The following CLTC variants were observed in gnomAD, a reference collection of about 807,000 sequenced individuals.
CLTC encodes the protein clathrin heavy chain 1.
A neutral mutation model predicts 195.8 loss-of-function variants in CLTC; 16 were observed. The observed-to-expected ratio is 0.08, with a 90% CI of 0.06 to 0.12. The LOEUF is 0.12. Ranked by LOEUF, CLTC falls within the 10% of genes least tolerant of loss-of-function variation. CLTC has a pLI of 1.00. For synonymous variants in CLTC, 667 were observed against 689.4 expected (o/e 0.97, Z 0.51); for missense variants, 796 against 2,027.0 (o/e 0.39, Z 11.66).
intron 13 of CLTC, among the ~76,000 whole-genome samples, chr17:59,668,103 A>G (rs1344139420): frequency 6.6e-6 from 1 of 151,430 alleles, no homozygotes; most frequent in African/African-American, 2.5e-5. Context: ...TAATAGCCAC[A>G]TGTGTTTAGT....
At chr17:59,679,660 AATTTATATATATTCAATTTAC>A (rs1209221831) in intron 18 of CLTC, 141 bp downstream of exon 18, 2 of 552,936 alleles carry the variant, frequency 3.6e-6, no homozygotes, top group African/African-American at 3.9e-5. Flanking sequence ...AGAAAATTAA[AATTTATATATATTCAATTTAC>A]ATTCATTTGT....
intron 1 of CLTC, among the ~76,000 whole-genome samples, chr17:59,626,543 T>C (rs1353554315): frequency 3.9e-5 from 6 of 152,196 alleles, no homozygotes; most frequent in Admixed American, 3.9e-4. Context: ...TGTGTCCTTT[T>C]TTAGGGTGGT....
intron 31 of CLTC, among the ~76,000 whole-genome samples, chr17:59,692,879 C>T (rs2033339684): frequency 6.6e-6 from 1 of 152,092 alleles, no homozygotes; most frequent in African/African-American, 2.4e-5. Flanking sequence ...ACCTAATGAT[C>T]CACCCTCCTC....
At chr17:59,675,803 A>G (rs1017922848) in intron 16 of CLTC, among the ~76,000 whole-genome samples, 1 of 152,238 alleles carries the variant, frequency 6.6e-6, no homozygotes, top group African/African-American at 2.4e-5. Context: ...GACAAATTAT[A>G]TTGTGAAAAG....
At chr17:59,673,911 G>T in intron 15 of CLTC, 139 bp downstream of exon 15, 1 of 565,770 alleles carries the variant, frequency 1.8e-6, no homozygotes, top group Non-Finnish European at 3.1e-6. Flanking sequence ...TTTTGTTTTT[G>T]TTTTGGAGAC....
intron 18 of CLTC, 21 bp downstream of exon 18, chr17:59,679,540 T>C (rs754412450): frequency 3.9e-6 from 6 of 1,544,676 alleles, no homozygotes; most frequent in South Asian, 1.3e-5. Context: ...CAAATGTGTT[T>C]ATGGCTGTCA....
chr17:59,670,289 GTTTTTC>G (rs757243420), intron 14 of CLTC, among the ~76,000 whole-genome samples: 12,121 of 143,826 alleles, frequency 0.084, 600 homozygotes, highest in Middle Eastern at 0.21. Flanking sequence ...TTTTTTTTTT[GTTTTTC>G]TTTTTAAGCT....
intron 30 of CLTC, among the ~76,000 whole-genome samples, chr17:59,687,333 A>T (rs2033205410): frequency 6.6e-6 from 1 of 152,156 alleles, no homozygotes; most frequent in South Asian, 2.1e-4. Flanking sequence ...AAGTAACAGG[A>T]AATTTCTCTT....
intron 1 of CLTC, among the ~76,000 whole-genome samples, chr17:59,626,800 C>G (rs2031566227): frequency 6.6e-6 from 1 of 152,176 alleles, no homozygotes; most frequent in African/African-American, 2.4e-5. Flanking sequence ...AAGCTTGGAC[C>G]TAAATGTGTT....
Position 59,682,255 on chromosome 17 carries a change from C to G in CLTC, c.3443-16C>G. 2 of 1,597,074 alleles carry G rather than the reference C, an allele frequency of 1.3e-6. No individual in the cohort carries two copies. The highest frequency in any genetic ancestry group is 1.7e-6 in the Non-Finnish European group (2 of 1,173,566). ...ATGTTAGTGTTTGGATATATTTTTTCTTTTTCTATACTTAGGAAACTGGGA... is the reference window on the plus strand; with the variant it reads ...ATGTTAGTGTTTGGATATATTTTTTGTTTTTCTATACTTAGGAAACTGGGA... On this transcript the variant is annotated splice_polypyrimidine_tract_variant and intron_variant, in intron 21 of 31. Transcript: ENST00000269122. This position sits in a 1 kb window ranked among gnomAD's most constrained non-coding sequence, Gnocchi z 6.8.
At chr17:59,662,238 T>C (rs183233364) in intron 8 of CLTC, among the ~76,000 whole-genome samples, 34 of 152,348 alleles carry the variant, frequency 2.2e-4, no homozygotes, top group South Asian at 6.2e-4. Flanking sequence ...TCTTGAAATT[T>C]ATTTAAATAT....
intron 31 of CLTC, chr17:59,690,944 A>G (rs1232100244): frequency 1.2e-5 from 5 of 412,456 alleles, no homozygotes; most frequent in Admixed American, 4.3e-5. Context: ...AAATCATAAC[A>G]TGAATCTTTC....
chr17:59,659,160 G>A (rs976402502), intron 6 of CLTC, among the ~76,000 whole-genome samples: 2 of 152,170 alleles, frequency 1.3e-5, no homozygotes, highest in Non-Finnish European at 2.9e-5. Flanking sequence ...CATGTGAACA[G>A]TAACTGAGAA....
rs527591675 is a variant in CLTC at position 59,673,561 on chromosome 17, A to C, written c.2293-86A>C. ...TATGTTTGTGTGAGCCTCTCTTGTT[A>C]GCGTAGAACAAATTCTCATATGTTA... On this transcript the variant is annotated intron_variant, in intron 14 of 31. Transcript: ENST00000269122. 20 of 976,006 alleles carry C rather than the reference A, an allele frequency of 2.0e-5. No individual in the cohort carries two copies. In the Admixed American group the frequency reaches 4.3e-4, roughly 21 times the overall value. The allele number at this position is 976,006 out of a possible 1,614,324, so 60.5% of individuals were successfully genotyped here. A position where few individuals can be genotyped will look rare whatever the true frequency, so the allele number is the denominator to read the frequency against.
Position 59,668,785 on chromosome 17 carries a change from T to C in CLTC, c.2137T>C (p.Tyr713His), listed in dbSNP as rs757945643. Residue 713 changes from tyrosine to histidine, a missense_variant, in exon 14 of 32, where the codon TAT (tyrosine) becomes CAT (histidine). Physicochemically the swap from Tyr to His is moderately conservative, Grantham distance 83. Coordinates refer to ENST00000269122, the MANE Select transcript of CLTC (RefSeq NM_004859.4). ...TTACTTGTTTCTTTAAGGTCTCTTT[T>C]ATTTTCTGGGATCCATTGTTAACTT... ...ESFKSFEGLF[Y>H]FLGSIVNFSQ... 6.3e-7 allele frequency: 1 copy of C among 1,597,244 alleles called. No individual in the cohort carries two copies. The highest frequency in any genetic ancestry group is 1.8e-5 in the Admixed American group (1 of 55,050).
intron 14 of CLTC, 41 bp downstream of exon 14, chr17:59,668,981 G>T: frequency 6.4e-7 from 1 of 1,561,800 alleles, no homozygotes. Context: ...TTGGATTCCA[G>T]GTTAGCAGTT....
chr17:59,648,149 G>GTTATTCACCTGTAGTCT lies in CLTC; in HGVS notation c.520-91_520-90insTTATTCACCTGTAGTCT. On this transcript the variant is annotated intron_variant, in intron 3 of 31. Coordinates refer to ENST00000269122, the MANE Select transcript of CLTC (RefSeq NM_004859.4). The surrounding 1 kb of genome is among the most constrained non-coding windows in gnomAD (Gnocchi z 4.5). ...AATAATTATAAATCCTGCTAAAGATGACAAAGCATTCTAATTATTTCATTA... is the reference window on the plus strand; with the variant it reads ...AATAATTATAAATCCTGCTAAAGATGTTATTCACCTGTAGTCTACAAAGCATTCTAATTATTTCATTA... 8.4e-7 allele frequency: 1 copy of GTTATTCACCTGTAGTCT among 1,186,890 alleles called. No homozygotes were observed. The highest frequency in any genetic ancestry group is 1.7e-5 in the South Asian group (1 of 59,488). 73.5% of individuals were successfully genotyped at this position (1,186,890 alleles called of 1,614,324 possible).
chr17:59,621,659 C>T (rs1881441), intron 1 of CLTC, among the ~76,000 whole-genome samples: 117,417 of 152,160 alleles, frequency 0.77, 46,359 homozygotes, highest in East Asian at 0.93. Context: ...CCTCAGTCAT[C>T]TATAATTTTC....
chr17:59,654,573 G>C (rs954398369), intron 5 of CLTC, among the ~76,000 whole-genome samples: 2 of 152,036 alleles, frequency 1.3e-5, no homozygotes, highest in Non-Finnish European at 2.9e-5. Context: ...CTCCGCCTCC[G>C]GGGTCAAGCA....
Sources: gnomAD v4.1 joint callset for allele counts (sites outside exome capture counted in the v4.1 genomes callset) on GRCh38, gnomAD v4.1.1 for gene constraint, Gnocchi (gnomAD v3.1) non-coding constraint, MANE v1.5 for transcripts, NCBI Gene and HGNC (gene_info 2026-07-23, HGNC 2026-07-21) for gene names.